Variants in YES1 observed in about 807,000 individuals in gnomAD.
YES1 encodes the protein tyrosine-protein kinase Yes.
A neutral mutation model predicts 70.4 loss-of-function variants in YES1; 39 were observed. That is an observed-to-expected ratio of 0.55 (90% CI 0.43 to 0.72). The LOEUF (loss-of-function observed/expected upper bound fraction) is 0.72, where lower values mean the gene tolerates loss of function less well. YES1 is among the 30% of genes least tolerant of loss of function. The probability of loss-of-function intolerance (pLI) is 0.00; values close to 1 mark genes in which losing one functional copy is unlikely to be tolerated. For synonymous variants in YES1, 198 were observed against 218.6 expected (o/e 0.91, Z 0.83); for missense variants, 495 against 644.8 (o/e 0.77, Z 2.52).
At chr18:726,530 C>A (rs1013696898) in intron 11 of YES1, among the ~76,000 whole-genome samples, 2 of 151,904 alleles carry the variant, frequency 1.3e-5, no homozygotes, top group African/African-American at 4.8e-5. Flanking sequence ...TCTGTAATCC[C>A]AGCACTTTGG....
chr18:760,548 A>G (rs11081342), intron 1 of YES1, among the ~76,000 whole-genome samples: 1 of 152,050 alleles, frequency 6.6e-6, no homozygotes, highest in East Asian at 1.9e-4. Context: ...CAGGTTATAT[A>G]CAAATACATG....
At chr18:729,422 AAT>A (rs974773429) in intron 11 of YES1, among the ~76,000 whole-genome samples, 1 of 151,336 alleles carries the variant, frequency 6.6e-6, no homozygotes. Flanking sequence ...CCCAAAAGAA[AAT>A]AAATAAATAA....
chr18:727,810 T>C (rs1455191776), intron 11 of YES1, among the ~76,000 whole-genome samples: 1 of 152,088 alleles, frequency 6.6e-6, no homozygotes, highest in Non-Finnish European at 1.5e-5. Context: ...AGATCAGCAG[T>C]TTTCCCCAAA....
chr18:732,542 T>C (rs1472603832), intron 11 of YES1, among the ~76,000 whole-genome samples: 1 of 151,732 alleles, frequency 6.6e-6, no homozygotes, highest in Non-Finnish European at 1.5e-5. Flanking sequence ...ATGTTTATTA[T>C]CTGAGAGAAC....
intron 11 of YES1, among the ~76,000 whole-genome samples, chr18:728,676 C>T (rs2080050073): frequency 2.0e-5 from 3 of 152,164 alleles, no homozygotes; most frequent in Non-Finnish European, 2.9e-5. Flanking sequence ...CAGGTGTGTG[C>T]CACCATGCCC....
chr18:732,838 A>G lies in YES1; in HGVS notation c.1419T>C (p.Tyr473=), dbSNP rs750393181. Residue 473 remains tyrosine, a synonymous_variant, in exon 11 of 12, where the codon TAT becomes TAC. Transcript: ENST00000314574. ...TELVTKGRVP[Y]PGMVNREVLE... Reference sequence around the variant, plus strand: ...AGCTATAAAATGCAAGCTTACCTGGATATGGCACTCGGCCCTTTGTTACTA... The same window carrying G: ...AGCTATAAAATGCAAGCTTACCTGGGTATGGCACTCGGCCCTTTGTTACTA... 16 of 1,614,226 alleles carry G rather than the reference A, an allele frequency of 9.9e-6. No homozygotes were observed. The highest frequency in any genetic ancestry group is 1.3e-5 in the Non-Finnish European group (15 of 1,180,036).
intron 1 of YES1, among the ~76,000 whole-genome samples, chr18:769,861 T>C (rs1197450149): frequency 1.3e-5 from 2 of 152,172 alleles, no homozygotes; most frequent in Non-Finnish European, 2.9e-5. Context: ...AGAACCACAT[T>C]GTTCTTTAGT....
intron 8 of YES1, among the ~76,000 whole-genome samples, chr18:740,263 T>C (rs996442903): frequency 2.0e-5 from 3 of 152,194 alleles, no homozygotes; most frequent in Non-Finnish European, 4.4e-5. Context: ...CAAAGTACTA[T>C]GAATAACAGC....
intron 1 of YES1, among the ~76,000 whole-genome samples, chr18:803,058 T>C (rs1354336891): frequency 6.6e-6 from 1 of 152,064 alleles, no homozygotes; most frequent in Non-Finnish European, 1.5e-5. Flanking sequence ...GTGAGAAATT[T>C]TGAATTTTAA....
At chr18:792,072 T>C (rs999700942) in intron 1 of YES1, among the ~76,000 whole-genome samples, 3 of 152,086 alleles carry the variant, frequency 2.0e-5, no homozygotes, top group African/African-American at 7.2e-5. Context: ...CTAAAAAAAA[T>C]AGTGTTTTCT....
At chr18:777,188 G>A (rs1182820750) in intron 1 of YES1, among the ~76,000 whole-genome samples, 1 of 152,092 alleles carries the variant, frequency 6.6e-6, no homozygotes, top group Non-Finnish European at 1.5e-5. Context: ...AACAAGAAGG[G>A]GAGGAGGCTA....
At chr18:766,684 T>G (rs1904925710) in intron 1 of YES1, among the ~76,000 whole-genome samples, 1 of 152,136 alleles carries the variant, frequency 6.6e-6, no homozygotes, top group Non-Finnish European at 1.5e-5. Context: ...ATTTTGAGCA[T>G]GTTCTCATGT....
intron 10 of YES1, among the ~76,000 whole-genome samples, chr18:733,879 T>C (rs896518060): frequency 2.0e-5 from 3 of 152,008 alleles, no homozygotes; most frequent in African/African-American, 7.3e-5. Context: ...ATTCTTTAAG[T>C]TATTTATATG....
At chr18:742,102 T>C (rs2080222778) in intron 8 of YES1, among the ~76,000 whole-genome samples, 1 of 152,142 alleles carries the variant, frequency 6.6e-6, no homozygotes, top group African/African-American at 2.4e-5. Flanking sequence ...CTGTATATTA[T>C]TGGTTCAAGA....
rs1343641745 is a variant in YES1 at position 787,750 on chromosome 18, CCCA to C, written c.-9+24361_-9+24363del. On this transcript the variant is annotated intron_variant, in intron 1 of 11. Transcript: ENST00000314574. Reference sequence around the variant, plus strand: ...TTCTGTTGAATTATCAATTCTTTTCCCCATCATCATTTAGGACCTGACCCAAAT... The same window carrying C: ...TTCTGTTGAATTATCAATTCTTTTCCTCATCATTTAGGACCTGACCCAAAT... Among the ~76,000 whole-genome samples the C allele has an allele frequency of 2.0e-5, 3 of 152,032 alleles. No homozygotes were observed. The East Asian group carries it at 5.8e-4, about 29-fold the overall frequency.
rs71174293 is a variant in YES1 at position 810,009 on chromosome 18, GT to G, written c.-9+2104del. 7.7e-3 allele frequency among the ~76,000 whole-genome samples: 1,098 copies of G among 141,834 alleles called. 6 individuals are homozygous for G. The highest frequency in any genetic ancestry group is 0.015 in the African/African-American group (580 of 38,936). The allele number at this position is 141,834 out of a possible 152,430, so 93.0% of individuals were successfully genotyped here. On this transcript the variant is annotated intron_variant, in intron 1 of 11. Coordinates refer to ENST00000314574, the MANE Select transcript of YES1 (RefSeq NM_005433.4). ...TTACGTTCACAGAATTTCCTTGCAGGTTTTTTTTTTTTTTTAATTACCCAAG... is the reference window on the plus strand; with the variant it reads ...TTACGTTCACAGAATTTCCTTGCAGGTTTTTTTTTTTTTTAATTACCCAAG...
chr18:798,904 G>A (rs1180581678), intron 1 of YES1, among the ~76,000 whole-genome samples: 4 of 152,112 alleles, frequency 2.6e-5, no homozygotes, highest in East Asian at 1.9e-4. Flanking sequence ...GACTCCTATC[G>A]TCAAAGGTTC....
chr18:768,851 T>A (rs1268697206), intron 1 of YES1, among the ~76,000 whole-genome samples: 1 of 152,040 alleles, frequency 6.6e-6, no homozygotes, highest in African/African-American at 2.4e-5. Context: ...TACAGGCATC[T>A]GCCACCACGC....
Position 721,939 on chromosome 18 carries a change from A to C in YES1, c.*2485T>G, listed in dbSNP as rs2079956960. 6.6e-6 allele frequency: 1 copy of C among 152,668 alleles called. No individual in the cohort carries two copies. Among genetic ancestry groups the C allele is most frequent in the African/African-American group, 2.4e-5 (1 of 41,458 alleles). 9.5% of individuals were successfully genotyped at this position (152,668 alleles called of 1,614,324 possible). A position where few individuals can be genotyped will look rare whatever the true frequency, so the allele number is the denominator to read the frequency against. ...TGAAGACGAAAAGCTGTTGGAAAAT[A>C]TCTCCAAATTTACAAAGTTGTTTTT... On this transcript the variant is annotated 3_prime_UTR_variant, in exon 12 of 12. Transcript: ENST00000314574.
Sources: allele counts gnomAD v4.1 joint callset (sites outside exome capture counted in the v4.1 genomes callset), GRCh38; gene constraint gnomAD v4.1.1; transcripts MANE v1.5; gene names NCBI Gene and HGNC (gene_info 2026-07-23, HGNC 2026-07-21).